MCPH1: variants seen among roughly 807,000 people sequenced by gnomAD.
MCPH1 encodes the protein microcephalin 1.
A neutral mutation model predicts 84.5 loss-of-function variants in MCPH1; 104 were observed. That is an observed-to-expected ratio of 1.23 (90% CI 1.05 to 1.45). The LOEUF is 1.45. MCPH1 is among the 40% of genes most tolerant of loss of function. MCPH1 has a pLI of 0.00. For synonymous variants in MCPH1, 514 were observed against 366.8 expected (o/e 1.40, Z -4.58); for missense variants, 1,498 against 1,005.7 (o/e 1.49, Z -6.62).
chr8:6,546,756 A>G (rs1822645998), intron 12 of MCPH1, among the ~76,000 whole-genome samples: 1 of 152,122 alleles, frequency 6.6e-6, no homozygotes, highest in African/African-American at 2.4e-5. Context: ...TAGGATATAA[A>G]CTCAACGTAC....
intron 11 of MCPH1, among the ~76,000 whole-genome samples, chr8:6,487,313 CAGATG>C (rs1249122210): frequency 6.6e-6 from 1 of 152,126 alleles, no homozygotes. Context: ...AGCAGTGAGT[CAGATG>C]AGATATGTTT....
rs184977665 is a variant in MCPH1 at position 6,447,266 on chromosome 8, G to T, written c.1825+1719G>T. The stretch of plus-strand genomic sequence containing the variant: ...CTCTCTTTGGGAATCTATCTTAGAA[G>T]ATGAAACCATAAAGCCTTCAGTTTC... On this transcript the variant is annotated intron_variant, in intron 8 of 13. Coordinates refer to ENST00000344683, the MANE Select transcript of MCPH1 (RefSeq NM_024596.5). 7.1e-5 allele frequency: 70 copies of T among 985,386 alleles called. No homozygotes were observed. The African/African-American group carries it at 1.0e-3, about 14-fold the overall frequency. The allele number at this position is 985,386 out of a possible 1,614,324, so 61.0% of individuals were successfully genotyped here.
chr8:6,560,508 A>T (rs895036307), intron 12 of MCPH1, among the ~76,000 whole-genome samples: 2 of 152,226 alleles, frequency 1.3e-5, no homozygotes, highest in Non-Finnish European at 2.9e-5. Flanking sequence ...CCCAAGCCAG[A>T]AGCCGTAAAC....
intron 12 of MCPH1, among the ~76,000 whole-genome samples, chr8:6,611,676 T>G (rs1253960379): frequency 6.6e-6 from 1 of 152,174 alleles, no homozygotes; most frequent in Non-Finnish European, 1.5e-5. Context: ...TGGAGTGCAG[T>G]GGCGCCATCT....
chr8:6,434,518 G>C (rs142141054), intron 4 of MCPH1, among the ~76,000 whole-genome samples: 54 of 152,210 alleles, frequency 3.5e-4, no homozygotes, highest in African/African-American at 1.2e-3. Flanking sequence ...AACCTCCCAA[G>C]ACACATACAA....
intron 12 of MCPH1, among the ~76,000 whole-genome samples, chr8:6,534,821 C>T (rs1820207484): frequency 6.6e-6 from 1 of 152,066 alleles, no homozygotes; most frequent in South Asian, 2.1e-4. Flanking sequence ...TCCTCCCCTG[C>T]CTTTATAAAA....
intron 8 of MCPH1, among the ~76,000 whole-genome samples, chr8:6,451,569 T>C (rs78348764): frequency 6.6e-6 from 1 of 152,094 alleles, no homozygotes; most frequent in Admixed American, 6.6e-5. Context: ...AGTGTTGTTT[T>C]TGTTTTTTTC....
chr8:6,417,329 G>A (rs1256307537), intron 3 of MCPH1, among the ~76,000 whole-genome samples: 1 of 152,158 alleles, frequency 6.6e-6, no homozygotes, highest in Non-Finnish European at 1.5e-5. Flanking sequence ...CTGCTCAACA[G>A]CTCAGCTCTC....
chr8:6,464,106 C>T (rs1246486848), intron 9 of MCPH1, among the ~76,000 whole-genome samples: 5 of 152,206 alleles, frequency 3.3e-5, no homozygotes, highest in Non-Finnish European at 5.9e-5. Context: ...ATTGTTCAGA[C>T]CCGCTGTACG....
intron 12 of MCPH1, among the ~76,000 whole-genome samples, chr8:6,541,469 G>A (rs1207024519): frequency 6.6e-6 from 1 of 152,182 alleles, no homozygotes; most frequent in Non-Finnish European, 1.5e-5. Context: ...TTGGGGCAGG[G>A]CAGGCCTGGA....
chr8:6,411,161 C>T (rs1798481900), intron 2 of MCPH1, among the ~76,000 whole-genome samples: 1 of 152,108 alleles, frequency 6.6e-6, no homozygotes, highest in South Asian at 2.1e-4. Flanking sequence ...AAGGTCATTT[C>T]TTGGGCATTT....
At chr8:6,430,393 A>G (rs918479627) in intron 3 of MCPH1, among the ~76,000 whole-genome samples, 1 of 152,196 alleles carries the variant, frequency 6.6e-6, no homozygotes, top group African/African-American at 2.4e-5. Context: ...CGAGATGAGA[A>G]AGGAAAATCA....
intron 12 of MCPH1, among the ~76,000 whole-genome samples, chr8:6,562,398 T>C (rs984402958): frequency 6.6e-6 from 1 of 152,062 alleles, no homozygotes. Flanking sequence ...TTTCTAACTT[T>C]AGAGATTTTC....
At chr8:6,594,019 G>A (rs961998914) in intron 12 of MCPH1, among the ~76,000 whole-genome samples, 14 of 152,160 alleles carry the variant, frequency 9.2e-5, no homozygotes, top group Admixed American at 5.2e-4. Context: ...CTATAACCTC[G>A]TATAACCTTC....
intron 12 of MCPH1, among the ~76,000 whole-genome samples, chr8:6,618,309 A>G (rs993148442): frequency 3.9e-5 from 6 of 152,208 alleles, no homozygotes; most frequent in Non-Finnish European, 5.9e-5. Context: ...AAAATGTACC[A>G]GTGTGGGGGA....
chr8:6,640,098 G>GCA (rs57493357), intron 13 of MCPH1, among the ~76,000 whole-genome samples: 69 of 119,618 alleles, frequency 5.8e-4, no homozygotes, highest in African/African-American at 2.4e-3. Context: ...GTGTGTGTGT[G>GCA]CGCGCGCGTG....
intron 12 of MCPH1, among the ~76,000 whole-genome samples, chr8:6,611,834 G>A (rs1394025497): frequency 6.6e-6 from 1 of 152,146 alleles, no homozygotes; most frequent in Non-Finnish European, 1.5e-5. Flanking sequence ...TAGCCAGGAT[G>A]GTCTCGGTCT....
intron 3 of MCPH1, among the ~76,000 whole-genome samples, chr8:6,423,190 C>CTTTT (rs1165558274): frequency 8.8e-6 from 1 of 113,222 alleles, no homozygotes; most frequent in African/African-American, 3.5e-5. Context: ...CTTTTCTTTT[C>CTTTT]TTTTTTTTTT....
In MCPH1 at chr8:6,445,331, G is replaced by C. The variant is rs761189569; in HGVS notation, c.1609G>C (p.Gly537Arg). 1 of 1,614,230 alleles carries C rather than the reference G, an allele frequency of 6.2e-7. No homozygotes were observed. The highest frequency in any genetic ancestry group is 8.5e-7 in the Non-Finnish European group (1 of 1,180,046). ...YTIEDPALPK[G>R]HDDDLTPLEG... is the part of the protein sequence containing the mutation. ...CATTGAGGACCCTGCTCTTCCAAAA[G>C]GACATGATGATGATTTAACTCCTTT... is the stretch of plus-strand genomic sequence containing the variant. The change falls in exon 8 of 14, where the codon GGA (glycine) becomes CGA (arginine). Residue 537 changes from glycine to arginine, a missense_variant. By Grantham distance (125) the Gly-to-Arg change is moderately radical. Transcript: ENST00000344683.
Sources: allele counts gnomAD v4.1 joint callset (sites outside exome capture counted in the v4.1 genomes callset), GRCh38; gene constraint gnomAD v4.1.1; transcripts MANE v1.5; gene names NCBI Gene and HGNC (gene_info 2026-07-23, HGNC 2026-07-21).